Variants in CENPW observed in about 807,000 individuals in gnomAD.
CENPW encodes cancer-up-regulated gene 2 protein.
Under a neutral mutation model 11.1 loss-of-function variants are expected in CENPW, and 3 were observed. That is an observed-to-expected ratio of 0.27 (90% CI 0.12 to 0.70). CENPW has a LOEUF of 0.70. Ranked by LOEUF, CENPW falls within the 30% of genes least tolerant of loss-of-function variation. CENPW has a pLI of 0.77. For synonymous variants in CENPW, 38 were observed against 42.0 expected, an observed-to-expected ratio of 0.91 and a Z score of 0.37; for missense variants, 100 against 105.6, an observed-to-expected ratio of 0.95 and a Z score of 0.23.
the CENPW span, among the ~76,000 whole-genome samples, chr6:126,407,472 A>G: frequency 6.6e-6 from 1 of 152,192 alleles, no homozygotes; most frequent in South Asian, 2.1e-4. Flanking sequence ...GCTGGGTCAA[A>G]TGGTATTTCT....
At chr6:126,430,939 AAAAAT>A in the CENPW span, among the ~76,000 whole-genome samples, 376 of 152,200 alleles carry the variant, frequency 2.5e-3, 1 homozygote, top group African/African-American at 7.8e-3. Context: ...TAAACAAATA[AAAAAT>A]AAAATAAAAT....
chr6:126,450,378 G>A, the CENPW span, among the ~76,000 whole-genome samples: 1 of 150,946 alleles, frequency 6.6e-6, no homozygotes, highest in African/African-American at 2.4e-5. Context: ...AATCTGGTGA[G>A]AAACACTGAA....
the CENPW span, among the ~76,000 whole-genome samples, chr6:126,441,388 G>A: frequency 2.0e-5 from 3 of 151,144 alleles, no homozygotes; most frequent in African/African-American, 7.3e-5. Flanking sequence ...GTAAACTGCC[G>A]AACTTCCCTC....
the CENPW span, among the ~76,000 whole-genome samples, chr6:126,390,073 G>T: frequency 6.6e-6 from 1 of 151,912 alleles, no homozygotes; most frequent in African/African-American, 2.4e-5. Context: ...AAGCCAGAAA[G>T]AATGCTGGGT....
At chr6:126,384,229 A>G in the CENPW span, among the ~76,000 whole-genome samples, 1 of 152,138 alleles carries the variant, frequency 6.6e-6, no homozygotes, top group Non-Finnish European at 1.5e-5. Context: ...GCATACCAGA[A>G]TTTCTGGGAC....
chr6:126,458,379 C>T, the CENPW span, among the ~76,000 whole-genome samples: 3 of 151,358 alleles, frequency 2.0e-5, no homozygotes, highest in Admixed American at 2.0e-4. Flanking sequence ...CATATATTCC[C>T]CTCTCTCCTC....
downstream of CENPW, among the ~76,000 whole-genome samples, chr6:126,351,583 G>A (rs1780491372): frequency 6.6e-6 from 1 of 152,002 alleles, no homozygotes; most frequent in Non-Finnish European, 1.5e-5. Context: ...ATTTTTTTCT[G>A]GATGTTGAAG....
chr6:126,343,196 G>A (rs1361573300), intron 1 of CENPW, among the ~76,000 whole-genome samples: 1 of 152,104 alleles, frequency 6.6e-6, no homozygotes, highest in Non-Finnish European at 1.5e-5. Context: ...ACTTATTGAT[G>A]GAATAGCTTA....
At chr6:126,407,638 G>A in the CENPW span, among the ~76,000 whole-genome samples, 1 of 152,162 alleles carries the variant, frequency 6.6e-6, no homozygotes, top group East Asian at 1.9e-4. Context: ...TGACTGCTGT[G>A]AGATGGTATC....
At chr6:126,422,876 G>A in the CENPW span, among the ~76,000 whole-genome samples, 2 of 152,030 alleles carry the variant, frequency 1.3e-5, no homozygotes, top group African/African-American at 4.8e-5. Flanking sequence ...CAGAATTAAA[G>A]CACGCCTGTA....
At chr6:126,368,904 A>G in the CENPW span, among the ~76,000 whole-genome samples, 1 of 151,812 alleles carries the variant, frequency 6.6e-6, no homozygotes, top group Admixed American at 6.6e-5. Flanking sequence ...CTCGCCTCCC[A>G]AAGTCCCAAT....
the CENPW span, among the ~76,000 whole-genome samples, chr6:126,440,803 A>G: frequency 6.6e-6 from 1 of 151,508 alleles, no homozygotes; most frequent in Admixed American, 6.6e-5. Flanking sequence ...GAGGATTTGA[A>G]AGGACTGGAG....
At chr6:126,414,510 T>G in the CENPW span, among the ~76,000 whole-genome samples, 1 of 152,074 alleles carries the variant, frequency 6.6e-6, no homozygotes, top group Non-Finnish European at 1.5e-5. Context: ...TTTTGAAAGG[T>G]ACAAATATAT....
the CENPW span, among the ~76,000 whole-genome samples, chr6:126,400,807 C>G: frequency 1.3e-5 from 2 of 152,078 alleles, no homozygotes; most frequent in African/African-American, 4.8e-5. Context: ...TCACCTATGT[C>G]ACATCTACTG....
the CENPW span, among the ~76,000 whole-genome samples, chr6:126,392,537 A>C: frequency 1.3e-5 from 2 of 151,904 alleles, no homozygotes; most frequent in Admixed American, 1.3e-4. Context: ...TTTATCAAAC[A>C]CTTTTTCAGC....
At chr6:126,345,111 A>G (rs1309029589) in intron 1 of CENPW, among the ~76,000 whole-genome samples, 1 of 151,610 alleles carries the variant, frequency 6.6e-6, no homozygotes, top group Non-Finnish European at 1.5e-5. Context: ...CTCACTTCAC[A>G]TTTTCTTCTG....
chr6:126,407,303 A>G, the CENPW span, among the ~76,000 whole-genome samples: 2 of 152,288 alleles, frequency 1.3e-5, no homozygotes, highest in Middle Eastern at 3.4e-3. Flanking sequence ...CATGGTGTAT[A>G]TGTACCACAT....
At chr6:126,458,595 A>G in the CENPW span, among the ~76,000 whole-genome samples, 1 of 151,486 alleles carries the variant, frequency 6.6e-6, no homozygotes, top group South Asian at 2.1e-4. Context: ...ACTGAGGAAG[A>G]AAATAATGAA....
At chr6:126,420,664 T>C in the CENPW span, among the ~76,000 whole-genome samples, 2 of 152,166 alleles carry the variant, frequency 1.3e-5, no homozygotes, top group African/African-American at 2.4e-5. Context: ...CCTGGCAATC[T>C]ATGTCCTCAG....
Sources: gnomAD v4.1 joint callset for allele counts (sites outside exome capture counted in the v4.1 genomes callset) on GRCh38, gnomAD v4.1.1 for gene constraint, MANE v1.5 for transcripts, NCBI Gene and HGNC (gene_info 2026-07-23, HGNC 2026-07-21) for gene names.